Variants in C12orf54 observed in about 807,000 individuals in gnomAD.
C12orf54 encodes the protein uncharacterized protein C12orf54.
C12orf54 carries 24 observed loss-of-function variants against 26.4 expected under a neutral mutation model. The observed-to-expected ratio is 0.91, with a 90% CI of 0.66 to 1.28. The LOEUF is 1.28. Ranked by LOEUF, C12orf54 falls within the 50% of genes most tolerant of loss-of-function variation. C12orf54 has a pLI of 0.00. For missense variants in C12orf54, 154 were observed against 150.9 expected (o/e 1.02, Z -0.11); for synonymous variants, 54 against 47.0 (o/e 1.15, Z -0.61).
the C12orf54 span, among the ~76,000 whole-genome samples, chr12:48,470,466 G>A: frequency 6.6e-6 from 1 of 151,788 alleles, no homozygotes; most frequent in Non-Finnish European, 1.5e-5. Context: ...GTTTACTTGT[G>A]TGTGTTCTTT....
At chr12:48,435,745 G>T in the C12orf54 span, among the ~76,000 whole-genome samples, 2 of 152,124 alleles carry the variant, frequency 1.3e-5, no homozygotes, top group African/African-American at 2.4e-5. Flanking sequence ...CCCTAAAAGA[G>T]CTCCTGAAGG....
intron 6 of C12orf54, among the ~76,000 whole-genome samples, chr12:48,492,014 C>A (rs1011007926): frequency 6.6e-6 from 1 of 152,078 alleles, no homozygotes; most frequent in Non-Finnish European, 1.5e-5. Context: ...AAAGAGAGAG[C>A]TTCCAAAGTC....
At chr12:48,478,925 G>A (rs566006567), upstream of C12orf54, among the ~76,000 whole-genome samples, 16 of 152,298 alleles carry the variant, frequency 1.1e-4, no homozygotes, top group South Asian at 6.2e-4. Context: ...GTGGGACTGT[G>A]AACTAGTTCA....
chr12:48,453,915 T>G, the C12orf54 span, among the ~76,000 whole-genome samples: 1 of 151,976 alleles, frequency 6.6e-6, no homozygotes, highest in Non-Finnish European at 1.5e-5. Context: ...TCAACCAAAC[T>G]GAAAAAAGAA....
chr12:48,466,903 T>C, the C12orf54 span, among the ~76,000 whole-genome samples: 1 of 152,162 alleles, frequency 6.6e-6, no homozygotes, highest in East Asian at 1.9e-4. Context: ...ACTTTATTTG[T>C]AATAGCCCCA....
the C12orf54 span, among the ~76,000 whole-genome samples, chr12:48,471,729 T>A: frequency 2.0e-5 from 3 of 152,226 alleles, no homozygotes; most frequent in Non-Finnish European, 4.4e-5. Context: ...GATACCATGC[T>A]GTTTTGGTTA....
chr12:48,473,289 G>T, the C12orf54 span: 3 of 1,104,318 alleles, frequency 2.7e-6, no homozygotes, highest in Non-Finnish European at 4.1e-6. Context: ...AGACGAGGAG[G>T]AGAAGGATGA....
the C12orf54 span, among the ~76,000 whole-genome samples, chr12:48,431,671 G>GGTT: frequency 6.6e-6 from 1 of 152,176 alleles, no homozygotes; most frequent in African/African-American, 2.4e-5. Flanking sequence ...CTTCGAGAAA[G>GGTT]TGATCATCTC....
the C12orf54 span, among the ~76,000 whole-genome samples, chr12:48,428,638 A>G: frequency 6.6e-6 from 1 of 152,136 alleles, no homozygotes; most frequent in African/African-American, 2.4e-5. Context: ...GATACCCTAA[A>G]CAGACCAATA....
the C12orf54 span, among the ~76,000 whole-genome samples, chr12:48,463,597 T>A: frequency 1.3e-5 from 2 of 150,816 alleles, no homozygotes; most frequent in African/African-American, 4.9e-5. Flanking sequence ...TAGCAAAACC[T>A]GGAGGACACA....
At chr12:48,452,881 A>G in the C12orf54 span, among the ~76,000 whole-genome samples, 2 of 152,204 alleles carry the variant, frequency 1.3e-5, no homozygotes, top group Admixed American at 1.3e-4. Context: ...ACATTTTTAC[A>G]CCGTTGGTGG....
the C12orf54 span, among the ~76,000 whole-genome samples, chr12:48,457,616 G>T: frequency 1.3e-5 from 2 of 152,028 alleles, no homozygotes; most frequent in Non-Finnish European, 2.9e-5. Flanking sequence ...TCTAGTCCCG[G>T]GCTTCTCTGC....
chr12:48,449,961 C>T, the C12orf54 span, among the ~76,000 whole-genome samples: 1 of 152,146 alleles, frequency 6.6e-6, no homozygotes, highest in African/African-American at 2.4e-5. Flanking sequence ...TCTGCCTTTG[C>T]TTCTTCCTCA....
chr12:48,488,150 G>C, intron 4 of C12orf54: 1 of 765,128 alleles, frequency 1.3e-6, no homozygotes. Flanking sequence ...ATTTCTACTG[G>C]AACCTTATGA....
chr12:48,431,002 C>A, the C12orf54 span, among the ~76,000 whole-genome samples: 2 of 152,182 alleles, frequency 1.3e-5, no homozygotes, highest in Non-Finnish European at 2.9e-5. Flanking sequence ...TCACAGCAAC[C>A]TGGGTGAGAC....
chr12:48,494,695 GA>G lies in C12orf54; in HGVS notation c.243-102del, dbSNP rs943625459. 3 of 1,235,394 alleles carry G rather than the reference GA, an allele frequency of 2.4e-6. No homozygotes were observed. In the Admixed American group the frequency reaches 6.3e-5, roughly 26 times the overall value. 76.5% of individuals were successfully genotyped at this position (1,235,394 alleles called of 1,614,324 possible). ...GAGCCTGAGATGCCCATTCTTGGGGGAGTGTAATAATAGAATCTCTAAGGGC... is the reference window on the plus strand; with the variant it reads ...GAGCCTGAGATGCCCATTCTTGGGGGGTGTAATAATAGAATCTCTAAGGGC... On this transcript the variant is annotated intron_variant, in intron 7 of 8. Coordinates refer to ENST00000548364, the MANE Select transcript of C12orf54 (RefSeq NM_152319.4).
chr12:48,443,078 G>A, the C12orf54 span: 1 of 152,148 alleles, frequency 6.6e-6, no homozygotes, highest in African/African-American at 2.4e-5. Flanking sequence ...ACATTCATAT[G>A]CAGAAATGAT....
At chr12:48,462,610 T>A in the C12orf54 span, among the ~76,000 whole-genome samples, 1 of 151,606 alleles carries the variant, frequency 6.6e-6, no homozygotes, top group Non-Finnish European at 1.5e-5. Context: ...ATATACCATA[T>A]TAACAGAATA....
chr12:48,450,342 G>A, the C12orf54 span, among the ~76,000 whole-genome samples: 1 of 152,180 alleles, frequency 6.6e-6, no homozygotes, highest in African/African-American at 2.4e-5. Context: ...GCAGTGTTAA[G>A]AGGGAAATGT....
Sources: allele counts gnomAD v4.1 joint callset (sites outside exome capture counted in the v4.1 genomes callset), GRCh38; gene constraint gnomAD v4.1.1; transcripts MANE v1.5; gene names NCBI Gene and HGNC (gene_info 2026-07-23, HGNC 2026-07-21).